GLB1L3: variants seen among roughly 807,000 people sequenced by gnomAD.
GLB1L3 encodes the protein galactosidase beta 1 like 3, also known as beta-galactosidase-1-like protein 3.
GLB1L3 carries 89 observed loss-of-function variants against 89.5 expected under a neutral mutation model. The observed-to-expected ratio is 0.99, with a 90% CI of 0.84 to 1.19. The LOEUF (loss-of-function observed/expected upper bound fraction) is 1.19. Ranked by LOEUF, GLB1L3 falls within the 50% of genes most tolerant of loss-of-function variation. GLB1L3 has a pLI of 0.00. For missense variants in GLB1L3, 812 were observed against 813.3 expected (o/e 1.00, Z 0.02); for synonymous variants, 314 against 312.3 (o/e 1.01, Z -0.06).
intron 9 of GLB1L3, chr11:134,305,386 C>G (rs1942153296): frequency 2.2e-6 from 1 of 449,238 alleles, no homozygotes; most frequent in Non-Finnish European, 3.9e-6. Context: ...AGCATTCTCT[C>G]TCTACGTTTT....
intron 10 of GLB1L3, among the ~76,000 whole-genome samples, chr11:134,308,389 T>C (rs866073166): frequency 2.5e-3 from 76 of 30,518 alleles, no homozygotes; most frequent in African/African-American, 2.8e-3. Flanking sequence ...ATCACCACCA[T>C]CACCACCATC....
At chr11:134,293,302 A>G (rs1450273131) in intron 9 of GLB1L3, 93 bp downstream of exon 9, 2 of 1,086,544 alleles carry the variant, frequency 1.8e-6, no homozygotes, top group South Asian at 1.5e-5. Context: ...CAGGTTTGAC[A>G]AGAAGACCGC....
At chr11:134,312,317 T>C in intron 13 of GLB1L3, 32 bp from the exon 14 acceptor site, 2 of 1,609,518 alleles carry the variant, frequency 1.2e-6, no homozygotes, top group Non-Finnish European at 1.7e-6. Flanking sequence ...GCTCAGCCCT[T>C]GGACTTCTGC....
downstream of GLB1L3, among the ~76,000 whole-genome samples, chr11:134,321,669 A>C (rs1313028322): frequency 6.6e-6 from 1 of 152,134 alleles, no homozygotes; most frequent in Non-Finnish European, 1.5e-5. Context: ...TATCGCAAGG[A>C]CAGAAAACCA....
In GLB1L3 at chr11:134,312,740, T is replaced by C. The variant is rs181342934; in HGVS notation, c.1429-76T>C. ...GTCCCTGCCTTCATACTGACCTCCT[T>C]CTCCCGAAACCGCGGCCTCTCTTCT... is the stretch of plus-strand genomic sequence containing the variant. On this transcript the variant is annotated intron_variant, in intron 14 of 19. Coordinates refer to ENST00000431683, the MANE Select transcript of GLB1L3 (RefSeq NM_001080407.3). 2.0e-4 allele frequency: 246 copies of C among 1,249,990 alleles called. 2 individuals carry two copies. The East Asian group carries it at 3.6e-3, about 18-fold the overall frequency. 77.4% of individuals were successfully genotyped at this position (1,249,990 alleles called of 1,614,324 possible). A position where few individuals can be genotyped will look rare whatever the true frequency, so the allele number is the denominator to read the frequency against.
chr11:134,308,250 C>CCAT (rs1942353343), intron 10 of GLB1L3, among the ~76,000 whole-genome samples: 4 of 37,742 alleles, frequency 1.1e-4, no homozygotes, highest in African/African-American at 4.4e-4. Flanking sequence ...ACCATCACCA[C>CCAT]CATCACCACC....
At chr11:134,285,931 C>G (rs1333017298) in intron 6 of GLB1L3, among the ~76,000 whole-genome samples, 1 of 132,280 alleles carries the variant, frequency 7.6e-6, no homozygotes, top group Non-Finnish European at 1.6e-5. Flanking sequence ...TTTTTGGAGA[C>G]GGAGTCTCAC....
chr11:134,316,685 G>A (rs531571171), intron 18 of GLB1L3: 10 of 152,298 alleles, frequency 6.6e-5, no homozygotes, highest in African/African-American at 1.7e-4. Context: ...CCCAACAAAA[G>A]AGAAGGTCTG....
chr11:134,306,561 A>G (rs1457835128), intron 9 of GLB1L3, among the ~76,000 whole-genome samples: 1 of 152,224 alleles, frequency 6.6e-6, no homozygotes, highest in East Asian at 1.9e-4. Context: ...AGAGGACTCC[A>G]GGAGTGCAGC....
chr11:134,287,184 G>C (rs1292185929), intron 6 of GLB1L3: 2 of 152,194 alleles, frequency 1.3e-5, no homozygotes, highest in South Asian at 2.1e-4. Context: ...AACCCAGAAA[G>C]ACTGAATATT....
chr11:134,293,019 C>T (rs1941443169), intron 8 of GLB1L3, 126 bp from the exon 9 acceptor site: 3 of 743,900 alleles, frequency 4.0e-6, no homozygotes, highest in Non-Finnish European at 7.2e-6. Context: ...GTCCAGACAG[C>T]ATCTCGCCAT....
chr11:134,276,865 A>C, intron 1 of GLB1L3, 102 bp downstream of exon 1: 6 of 1,060,428 alleles, frequency 5.7e-6, no homozygotes, highest in Non-Finnish European at 4.9e-6. Flanking sequence ...CGCCCCAGGC[A>C]CGCGCCGCGC....
At position 134,287,671 on chromosome 11, in the gene GLB1L3, C is replaced by T. The variant is rs150933948; in HGVS notation, c.637-1127C>T. Among the ~76,000 whole-genome samples, 602 of 152,346 alleles carry T rather than the reference C, an allele frequency of 4.0e-3. 5 individuals are homozygous for T. The highest frequency in any genetic ancestry group is 0.014 in the African/African-American group (577 of 41,584). Reference sequence around the variant, plus strand: ...AGCGAGTAATTGCTGAGCGCCAGGGCCTGTGTGGTCACTGCTGGGTGTACC... The same window carrying T: ...AGCGAGTAATTGCTGAGCGCCAGGGTCTGTGTGGTCACTGCTGGGTGTACC... On this transcript the variant is annotated intron_variant, in intron 6 of 19. Coordinates refer to ENST00000431683, the MANE Select transcript of GLB1L3 (RefSeq NM_001080407.3).
At chr11:134,318,814 CT>C in intron 19 of GLB1L3, 62 bp from the exon 20 acceptor site, 2 of 1,548,100 alleles carry the variant, frequency 1.3e-6, no homozygotes, top group Non-Finnish European at 1.8e-6. Context: ...GTTGCAGTGT[CT>C]TTTTCAACCT....
At chr11:134,305,743 T>A (rs1225573533) in intron 9 of GLB1L3, among the ~76,000 whole-genome samples, 1 of 152,162 alleles carries the variant, frequency 6.6e-6, no homozygotes, top group African/African-American at 2.4e-5. Context: ...AAAGGCTTAT[T>A]AATATGCATA....
chr11:134,288,741 T>A, intron 6 of GLB1L3, 57 bp from the exon 7 acceptor site: 3 of 1,311,470 alleles, frequency 2.3e-6, no homozygotes, highest in Admixed American at 1.9e-5. Context: ...GCTCAGAGAC[T>A]CCAGGCTTTT....
At chr11:134,308,518 CATGTCCACCACCACT>C (rs1942499190) in intron 10 of GLB1L3, among the ~76,000 whole-genome samples, 2 of 95,270 alleles carry the variant, frequency 2.1e-5, no homozygotes, top group Non-Finnish European at 4.3e-5. Context: ...CCACCACCAC[CATGTCCACCACCACT>C]ACCACCACCA....
Position 134,292,210 on chromosome 11 carries a change from G to C in GLB1L3, c.808G>C (p.Gly270Arg). ...ACATGTGCTGAGTGGCCACACCAAAGGAGGTACACATTTAGAGTTAGTTCA... is the reference window on the plus strand; with the variant it reads ...ACATGTGCTGAGTGGCCACACCAAACGAGGTACACATTTAGAGTTAGTTCA... ...EKHVLSGHTK[G>R]VLAAINLQKL... The change falls in exon 8 of 20, where the codon GGA (glycine) becomes CGA (arginine). Residue 270 changes from glycine to arginine, a missense_variant. Gly to Arg is a moderately radical substitution (Grantham distance 125). Coordinates refer to ENST00000431683, the MANE Select transcript of GLB1L3 (RefSeq NM_001080407.3). 6.2e-7 allele frequency: 1 copy of C among 1,610,624 alleles called. No individual in the cohort carries two copies. Among genetic ancestry groups the C allele is most frequent in the Non-Finnish European group, 8.5e-7 (1 of 1,177,232 alleles).
chr11:134,311,406 T>G, intron 13 of GLB1L3: 1 of 500,888 alleles, frequency 2.0e-6, no homozygotes, highest in Non-Finnish European at 3.6e-6. Context: ...GGTTCCCGCT[T>G]AGATGAACCT....
Sources: allele counts gnomAD v4.1 joint callset (sites outside exome capture counted in the v4.1 genomes callset), GRCh38; gene constraint gnomAD v4.1.1; transcripts MANE v1.5; gene names NCBI Gene and HGNC (gene_info 2026-07-23, HGNC 2026-07-21).